RIPOR1: variants seen among roughly 807,000 people sequenced by gnomAD.
The protein encoded by RIPOR1 is rho family-interacting cell polarization regulator 1.
RIPOR1 carries 58 observed loss-of-function variants against 116.5 expected under a neutral mutation model. The observed-to-expected ratio is 0.50, with a 90% CI of 0.40 to 0.62. RIPOR1 has a LOEUF of 0.62. RIPOR1 is among the 20% of genes least tolerant of loss of function. The pLI is 0.00. For synonymous variants in RIPOR1, 605 were observed against 650.0 expected, an observed-to-expected ratio of 0.93 and a Z score of 1.05; for missense variants, 1,372 against 1,586.2, an observed-to-expected ratio of 0.86 and a Z score of 2.29.
chr16:67,525,208 C>G (rs2050529437), upstream of RIPOR1, among the ~76,000 whole-genome samples: 1 of 152,210 alleles, frequency 6.6e-6, no homozygotes, highest in South Asian at 2.1e-4. Context: ...CACACAGACA[C>G]AGTCCCACAC....
chr16:67,542,807 T>C lies in RIPOR1; in HGVS notation c.2021T>C (p.Ile674Thr), dbSNP rs2051032807. ...PTHPTTSPIL[I>T]NVSPSTSLEL... ...CATCCCACCACAAGCCCCATCCTTA[T>C]AAATGTAAGCCCTTCCACTTCTCTA... The change falls in exon 13 of 22, where the codon ATA becomes ACA. Residue 674 changes from isoleucine (I) to threonine (T), a missense_variant. Coordinates refer to ENST00000042381, the MANE Select transcript of RIPOR1 (RefSeq NM_024519.4). This position sits in a 1 kb window ranked among gnomAD's most constrained non-coding sequence, Gnocchi z 4.6. 1.2e-6 allele frequency: 2 copies of C among 1,613,852 alleles called. No homozygotes were observed. The highest frequency in any genetic ancestry group is 1.7e-6 in the Non-Finnish European group (2 of 1,179,944).
At chr16:67,519,917 C>G (rs1348670764) in intron 1 of RIPOR1, among the ~76,000 whole-genome samples, 3 of 149,956 alleles carry the variant, frequency 2.0e-5, no homozygotes, top group Non-Finnish European at 4.4e-5. Context: ...CAAAAATTAG[C>G]CGGGTGTGGT....
Position 67,542,735 on chromosome 16 carries a change from T to G in RIPOR1, c.1949T>G (p.Leu650Arg), listed in dbSNP as rs759717553. 4.4e-6 allele frequency: 7 copies of G among 1,608,710 alleles called. No individual in the cohort carries two copies. Among genetic ancestry groups the G allele is most frequent in the Non-Finnish European group, 5.9e-6 (7 of 1,178,678 alleles). The change falls in exon 13 of 22, where the codon CTA becomes CGA. Residue 650 changes from leucine (L) to arginine (R), a missense_variant. Coordinates refer to ENST00000042381, the MANE Select transcript of RIPOR1 (RefSeq NM_024519.4). This position sits in a 1 kb window ranked among gnomAD's most constrained non-coding sequence, Gnocchi z 4.6. ...TTSPTPSGMG[L>R]VQTATSPTHP... ...AGTCCTACCCCCAGTGGTATGGGCC[T>G]AGTCCAGACTGCCACAAGTCCCACC...
rs1267692459 is a variant in RIPOR1, at chr16:67,541,848, G to A, written c.1081-19G>A. 1 of 1,611,996 alleles carries A rather than the reference G, an allele frequency of 6.2e-7. No individual in the cohort carries two copies. The highest frequency in any genetic ancestry group is 8.5e-7 in the Non-Finnish European group (1 of 1,178,472). On this transcript the variant is annotated intron_variant, in intron 12 of 21. Coordinates refer to ENST00000042381, the MANE Select transcript of RIPOR1 (RefSeq NM_024519.4). This position sits in a 1 kb window ranked among gnomAD's most constrained non-coding sequence, Gnocchi z 4.6. ...GGCTCCCTGGGGGTGGTTCTGAAAT[G>A]CCCTCTCCTCTTTCTCAGAACATGC...
In RIPOR1 at chr16:67,543,429, A is replaced by C. The variant is rs1567576608; in HGVS notation, c.2560A>C (p.Asn854His). The C allele has an allele frequency of 3.2e-6, 5 of 1,563,716 alleles. No homozygotes were observed. The highest frequency in any genetic ancestry group is 1.9e-5 in the Admixed American group (1 of 52,138). Residue 854 changes from asparagine (N) to histidine (H), a missense_variant, in exon 14 of 22, where the codon AAT becomes CAT. Physicochemically the swap from Asn to His is moderately conservative, Grantham distance 68. This residue lies in a region of RIPOR1 where 1,005 missense variants were observed against 1,144.7 expected (regional missense o/e 0.88). Transcript: ENST00000042381. This position sits in a 1 kb window ranked among gnomAD's most constrained non-coding sequence, Gnocchi z 4.7. ...EHALESFSFL[N>H]EDEDEDNDVP... ...TGCCTTGGAGAGCTTCAGCTTCCTC[A>C]ATGAAGACGAAGATGAAGACAATGA...
intron 4 of RIPOR1, 73 bp downstream of exon 4, chr16:67,539,141 T>G: frequency 1.6e-6 from 2 of 1,250,842 alleles, no homozygotes; most frequent in Non-Finnish European, 2.3e-6. Context: ...CCCTGGGTGA[T>G]ATCTGGGCTA....
chr16:67,537,402 C>T lies in RIPOR1; in HGVS notation c.-23-1022C>T. 8.1e-7 allele frequency: 1 copy of T among 1,238,288 alleles called. No individual in the cohort carries two copies. The highest frequency in any genetic ancestry group is 3.5e-5 in the South Asian group (1 of 28,878). 76.7% of individuals were successfully genotyped at this position (1,238,288 alleles called of 1,614,324 possible). On this transcript the variant is annotated intron_variant, in intron 1 of 21. Transcript: ENST00000042381. The surrounding 1 kb of genome is among the most constrained non-coding windows in gnomAD (Gnocchi z 4.6). The stretch of plus-strand genomic sequence containing the variant: ...GGAACCCCAGTCACCGGTCCCGCCC[C>T]ATCCAGGCGGGCTGAGTCAGGCGGC...
rs2050906492 is a variant in RIPOR1 at position 67,539,468 on chromosome 16, G to A, written c.337-260G>A. 5.2e-6 allele frequency: 3 copies of A among 576,802 alleles called. No homozygotes were observed. In the East Asian group the frequency reaches 8.9e-5, roughly 17 times the overall value. The allele number at this position is 576,802 out of a possible 1,614,324, so 35.7% of individuals were successfully genotyped here. On this transcript the variant is annotated intron_variant, in intron 4 of 21. Transcript: ENST00000042381. ...GGAACCTTGCACAAGGAAGCAGAGA[G>A]CTCTCCCCAGGCGGCTGCAGGAAAA...
In RIPOR1 at chr16:67,540,716, G is replaced by A; in HGVS notation, c.801+12G>A. 2.5e-6 allele frequency: 4 copies of A among 1,569,700 alleles called. No homozygotes were observed. Among genetic ancestry groups the A allele is most frequent in the Non-Finnish European group, 3.5e-6 (4 of 1,157,616 alleles). On this transcript the variant is annotated intron_variant, in intron 10 of 21. Transcript: ENST00000042381. The surrounding 1 kb of genome is among the most constrained non-coding windows in gnomAD (Gnocchi z 4.7). ...TTCTGTCTATTAAGGTGATGTCTCT[G>A]CCCAGGACGGCAGGCCACCATGGCC...
In RIPOR1 at chr16:67,529,649, G is replaced by A. The variant is rs1202671980; in HGVS notation, c.-24+735G>A. ...TCCTCCTCTCCAGGGTGAGCCCTGAGTCCGGCCTCCCCTACAGACCCTCCC... is the reference window on the plus strand; with the variant it reads ...TCCTCCTCTCCAGGGTGAGCCCTGAATCCGGCCTCCCCTACAGACCCTCCC... On this transcript the variant is annotated intron_variant, in intron 1 of 21. Coordinates refer to ENST00000042381, the MANE Select transcript of RIPOR1 (RefSeq NM_024519.4). The surrounding 1 kb of genome is among the most constrained non-coding windows in gnomAD (Gnocchi z 4.1). 4.9e-5 allele frequency: 48 copies of A among 987,098 alleles called. No homozygotes were observed. Among genetic ancestry groups the A allele is most frequent in the Admixed American group, 4.9e-5 (2 of 40,972 alleles). 61.1% of individuals were successfully genotyped at this position (987,098 alleles called of 1,614,324 possible).
At chr16:67,538,351 C>A in intron 1 of RIPOR1, 73 bp from the exon 2 acceptor site, 1 of 1,502,266 alleles carries the variant, frequency 6.7e-7, no homozygotes, top group South Asian at 1.3e-5. Context: ...CCTGCGCCAG[C>A]CCTGGATCCC....
chr16:67,523,390 G>A (rs372902527), intron 1 of RIPOR1, among the ~76,000 whole-genome samples: 1 of 151,886 alleles, frequency 6.6e-6, no homozygotes, highest in South Asian at 2.1e-4. Flanking sequence ...GCCGGGCATG[G>A]TGGCGCGTGC....
Position 67,529,579 on chromosome 16 carries a change from C to T in RIPOR1, c.-24+665C>T. 2 of 580,926 alleles carry T rather than the reference C, an allele frequency of 3.4e-6. No individual in the cohort carries two copies. Among genetic ancestry groups the T allele is most frequent in the Non-Finnish European group, 6.1e-6 (2 of 329,802 alleles). 36.0% of individuals were successfully genotyped at this position (580,926 alleles called of 1,614,324 possible). A position where few individuals can be genotyped will look rare whatever the true frequency, so the allele number is the denominator to read the frequency against. ...GAACTGGTTTGGGCAAGGGGCTGCT[C>T]ACCAGGGCTAGAGGTCGGATTCAGT... On this transcript the variant is annotated intron_variant, in intron 1 of 21. Coordinates refer to ENST00000042381, the MANE Select transcript of RIPOR1 (RefSeq NM_024519.4). The surrounding 1 kb of genome is among the most constrained non-coding windows in gnomAD (Gnocchi z 4.1).
chr16:67,545,442 G>C lies in RIPOR1; in HGVS notation c.3098G>C (p.Gly1033Ala), dbSNP rs748329109. ...CCCAGAAGGCCCCAGCCAGGGCCTG[G>C]AGAGCAGCTCACAGTCTTCCAGTTC... ...KLPRRPQPGP[G>A]EQLTVFQFWS... Residue 1033 changes from glycine (G) to alanine (A), a missense_variant, in exon 18 of 22, where the codon GGA becomes GCA. Transcript: ENST00000042381. This position sits in a 1 kb window ranked among gnomAD's most constrained non-coding sequence, Gnocchi z 4.8. 6.2e-7 allele frequency: 1 copy of C among 1,614,058 alleles called. No individual in the cohort carries two copies. Among genetic ancestry groups the C allele is most frequent in the Non-Finnish European group, 8.5e-7 (1 of 1,180,032 alleles).
chr16:67,546,025 G>A lies in RIPOR1; in HGVS notation c.3464G>A (p.Cys1155Tyr). ...TRVAGCLALGCIKAPEGIEPL... is the reference protein window; with the variant it reads ...TRVAGCLALGYIKAPEGIEPL... ...GTGGCTGGCTGCCTGGCCCTAGGCT[G>A]CATCAAGGTGACCCCTGCCAACCCT... The change falls in exon 20 of 22, where the codon TGC (cysteine) becomes TAC (tyrosine). Residue 1155 changes from cysteine to tyrosine, a missense_variant. Cys to Tyr is a radical substitution (Grantham distance 194, BLOSUM62 -2). Coordinates refer to ENST00000042381, the MANE Select transcript of RIPOR1 (RefSeq NM_024519.4). 6.2e-7 allele frequency: 1 copy of A among 1,612,928 alleles called. No homozygotes were observed. Among genetic ancestry groups the A allele is most frequent in the South Asian group, 1.1e-5 (1 of 91,084 alleles).
At position 67,544,300 on chromosome 16, in the gene RIPOR1, C is replaced by G. The variant is rs1301989527; in HGVS notation, c.2602C>G (p.Pro868Ala). ...DEDNDVPGDR[P>A]PSSPEAGAED... is the part of the protein sequence containing the mutation. ...TGGTGGACCCCATTTTTCCCTCAGGCCTCCAAGCAGCCCGGAGGCTGGGGC... is the reference window on the plus strand; with the variant it reads ...TGGTGGACCCCATTTTTCCCTCAGGGCTCCAAGCAGCCCGGAGGCTGGGGC... The change falls in exon 15 of 22, where the codon CCT (proline) becomes GCT (alanine). Residue 868 changes from proline (P) to alanine (A), a missense_variant and splice_region_variant. Transcript: ENST00000042381. This position sits in a 1 kb window ranked among gnomAD's most constrained non-coding sequence, Gnocchi z 5.1. 7 of 1,598,478 alleles carry G rather than the reference C, an allele frequency of 4.4e-6. No homozygotes were observed. In the South Asian group the frequency reaches 7.7e-5, roughly 18 times the overall value.
chr16:67,533,147 G>A (rs568521921), intron 1 of RIPOR1, among the ~76,000 whole-genome samples: 3 of 152,274 alleles, frequency 2.0e-5, no homozygotes, highest in South Asian at 2.1e-4. Flanking sequence ...CTTGAACAAC[G>A]GGGTACATAG....
Position 67,540,204 on chromosome 16 carries a change from A to G in RIPOR1, c.566A>G (p.Glu189Gly). 1 of 1,613,914 alleles carries G rather than the reference A, an allele frequency of 6.2e-7. No individual in the cohort carries two copies. The highest frequency in any genetic ancestry group is 8.5e-7 in the Non-Finnish European group (1 of 1,179,916). The change falls in exon 7 of 22, where the codon GAG (glutamate) becomes GGG (glycine). Residue 189 changes from glutamate (E) to glycine (G), a missense_variant and splice_region_variant. By Grantham distance (98) the Glu-to-Gly change is moderately conservative. Transcript: ENST00000042381. This position sits in a 1 kb window ranked among gnomAD's most constrained non-coding sequence, Gnocchi z 4.7. Reference protein sequence around the residue: ...EATRGHREYTESMCLLESELE... With the variant: ...EATRGHREYTGSMCLLESELE... ...ACTCGGGGGCATCGCGAGTACACGG[A>G]GGTGAGGGATGGGGGCCCATGAGGC...
At chr16:67,521,691 G>A (rs1267007549) in intron 1 of RIPOR1, among the ~76,000 whole-genome samples, 1 of 152,182 alleles carries the variant, frequency 6.6e-6, no homozygotes, top group Non-Finnish European at 1.5e-5. Context: ...GCCGAGGCTG[G>A]ACTAGCGGGG....
Sources: allele counts gnomAD v4.1 joint callset (sites outside exome capture counted in the v4.1 genomes callset), GRCh38; gene constraint gnomAD v4.1.1; regional missense constraint gnomAD v4.1.1; non-coding constraint Gnocchi (gnomAD v3.1); transcripts MANE v1.5; gene names NCBI Gene and HGNC (gene_info 2026-07-23, HGNC 2026-07-21).